Variants in PARD6B observed in about 807,000 individuals in gnomAD.
PARD6B encodes the protein par-6 family cell polarity regulator beta.
Under a neutral mutation model 10.5 loss-of-function variants are expected in PARD6B, and 4 were observed. That is an observed-to-expected ratio of 0.38 (90% CI 0.19 to 0.87). The LOEUF is 0.87. PARD6B is among the 40% of genes least tolerant of loss of function. The pLI is 0.41. For missense variants in PARD6B, 396 were observed against 470.6 expected (o/e 0.84, Z 1.47); for synonymous variants, 169 against 170.4 (o/e 0.99, Z 0.07).
rs2087473897 is a variant in PARD6B at position 50,732,003 on chromosome 20, G to A, written c.66+151G>A. 7.5e-6 allele frequency: 4 copies of A among 531,512 alleles called. No individual in the cohort carries two copies. In the East Asian group the frequency reaches 1.5e-4, roughly 20 times the overall value. The allele number at this position is 531,512 out of a possible 1,614,324, so 32.9% of individuals were successfully genotyped here. On this transcript the variant is annotated intron_variant, in intron 1 of 2. Coordinates refer to ENST00000371610, the MANE Select transcript of PARD6B (RefSeq NM_032521.3). The stretch of plus-strand genomic sequence containing the variant: ...TCGGGAGACTGTGGGTAATAAACTT[G>A]CCGAGGAGGGGGTGGCGGGGGTCAG...
chr20:50,751,035 T>G lies in PARD6B; in HGVS notation c.*547T>G. 1.7e-6 allele frequency: 1 copy of G among 589,920 alleles called. No homozygotes were observed. Among genetic ancestry groups the G allele is most frequent in the Non-Finnish European group, 2.1e-6 (1 of 477,430 alleles). 36.5% of individuals were successfully genotyped at this position (589,920 alleles called of 1,614,324 possible). A position where few individuals can be genotyped will look rare whatever the true frequency, so the allele number is the denominator to read the frequency against. ...CCCACACTGGAATGCAGTGGCATGA[T>G]CACAGCTCTCTGCAGCCTCAATCCC... On this transcript the variant is annotated 3_prime_UTR_variant, in exon 3 of 3. Transcript: ENST00000371610.
Position 50,751,042 on chromosome 20 carries a change from T to G in PARD6B, c.*554T>G, listed in dbSNP as rs1441385868. On this transcript the variant is annotated 3_prime_UTR_variant, in exon 3 of 3. Transcript: ENST00000371610. ...TGGAATGCAGTGGCATGATCACAGC[T>G]CTCTGCAGCCTCAATCCCCTGGGCT... The G allele has an allele frequency of 1.7e-6, 1 of 577,856 alleles. No individual in the cohort carries two copies. The highest frequency in any genetic ancestry group is 1.6e-4 in the East Asian group (1 of 6,224). The allele number at this position is 577,856 out of a possible 1,614,324, so 35.8% of individuals were successfully genotyped here.
chr20:50,753,068 CCT>C lies in PARD6B; in HGVS notation c.*2587_*2588del, dbSNP rs11469346. On this transcript the variant is annotated 3_prime_UTR_variant, in exon 3 of 3. Coordinates refer to ENST00000371610, the MANE Select transcript of PARD6B (RefSeq NM_032521.3). ...TAAGTAAAAATATTTTTACACACTACCTCTCTCTTTTTTTTTTTAAAGTTTTA... is the reference window on the plus strand; with the variant it reads ...TAAGTAAAAATATTTTTACACACTACCTCTCTTTTTTTTTTTAAAGTTTTA... The C allele has an allele frequency of 0.24, 227,205 of 933,888 alleles. 14,384 individuals are homozygous for C. The highest frequency in any genetic ancestry group is 0.34 in the African/African-American group (18,886 of 54,992). 57.9% of individuals were successfully genotyped at this position (933,888 alleles called of 1,614,324 possible).
In PARD6B at chr20:50,731,709, C is replaced by G; in HGVS notation, c.-78C>G. ...CGGGCCGCAACCGCTTTCCGAGATC[C>G]CCAGTCGCGCACTCGCTCCCCGCGC... On this transcript the variant is annotated 5_prime_UTR_variant, in exon 1 of 3. Coordinates refer to ENST00000371610, the MANE Select transcript of PARD6B (RefSeq NM_032521.3). The G allele has an allele frequency of 3.1e-6, 4 of 1,295,362 alleles. No homozygotes were observed. Among genetic ancestry groups the G allele is most frequent in the Non-Finnish European group, 4.0e-6 (4 of 1,002,222 alleles). 80.2% of individuals were successfully genotyped at this position (1,295,362 alleles called of 1,614,324 possible). A position where few individuals can be genotyped will look rare whatever the true frequency, so the allele number is the denominator to read the frequency against.
Position 50,737,936 on chromosome 20 carries a change from A to G in PARD6B, c.146A>G (p.His49Arg). The G allele has an allele frequency of 1.9e-6, 3 of 1,613,540 alleles. No homozygotes were observed. Among genetic ancestry groups the G allele is most frequent in the Non-Finnish European group, 2.5e-6 (3 of 1,179,890 alleles). The change falls in exon 2 of 3, where the codon CAT becomes CGT. Residue 49 changes from histidine (H) to arginine (R), a missense_variant. Transcript: ENST00000371610. ...KFEEFYGLLQ[H>R]VHKIPNVDVL... is the part of the protein sequence containing the mutation. ...GAGGAGTTTTATGGATTACTACAACATGTTCATAAGATCCCCAATGTTGAC... is the reference window on the plus strand; with the variant it reads ...GAGGAGTTTTATGGATTACTACAACGTGTTCATAAGATCCCCAATGTTGAC...
chr20:50,748,024 C>G (rs529707891), intron 2 of PARD6B, among the ~76,000 whole-genome samples: 6 of 152,340 alleles, frequency 3.9e-5, no homozygotes, highest in African/African-American at 1.4e-4. Context: ...ACCTTTGCCT[C>G]TTTCAAAATG....
At position 50,753,525 on chromosome 20, in the gene PARD6B, A is replaced by G. The variant is rs896041047; in HGVS notation, c.*3037A>G. 9.7e-6 allele frequency: 9 copies of G among 928,404 alleles called. No individual in the cohort carries two copies. In the African/African-American group the frequency reaches 1.6e-4, roughly 17 times the overall value. 57.5% of individuals were successfully genotyped at this position (928,404 alleles called of 1,614,324 possible). A position where few individuals can be genotyped will look rare whatever the true frequency, so the allele number is the denominator to read the frequency against. On this transcript the variant is annotated 3_prime_UTR_variant, in exon 3 of 3. Transcript: ENST00000371610. ...CTCGAGCTATCAACAAAATATATGT[A>G]CTTTTGTGAGCTATGAATTTTCTAA... is the stretch of plus-strand genomic sequence containing the variant.
Position 50,751,900 on chromosome 20 carries a change from C to A in PARD6B, c.*1412C>A. On this transcript the variant is annotated 3_prime_UTR_variant, in exon 3 of 3. Coordinates refer to ENST00000371610, the MANE Select transcript of PARD6B (RefSeq NM_032521.3). Reference sequence around the variant, plus strand: ...TGTATTTTTAGTAGAGATGGAGTTTCACCATGTTGGTCAGGTGGGTCTCAA... The same window carrying A: ...TGTATTTTTAGTAGAGATGGAGTTTAACCATGTTGGTCAGGTGGGTCTCAA... 1.1e-6 allele frequency: 1 copy of A among 875,732 alleles called. No homozygotes were observed. Among genetic ancestry groups the A allele is most frequent in the Middle Eastern group, 5.9e-4 (1 of 1,694 alleles). The allele number at this position is 875,732 out of a possible 1,614,324, so 54.2% of individuals were successfully genotyped here.
intron 2 of PARD6B, among the ~76,000 whole-genome samples, chr20:50,742,897 T>C (rs995364285): frequency 6.6e-6 from 1 of 152,178 alleles, no homozygotes; most frequent in Non-Finnish European, 1.5e-5. Flanking sequence ...AGAGCAGTTA[T>C]CATGGGAGCA....
chr20:50,752,451 G>T lies in PARD6B; in HGVS notation c.*1963G>T. On this transcript the variant is annotated 3_prime_UTR_variant, in exon 3 of 3. Coordinates refer to ENST00000371610, the MANE Select transcript of PARD6B (RefSeq NM_032521.3). ...AGTTTATCACTATTAATTTTATGAG[G>T]CTATTTATTACTTTCCAATGCATCC... 1 of 985,550 alleles carries T rather than the reference G, an allele frequency of 1.0e-6. No homozygotes were observed. The highest frequency in any genetic ancestry group is 1.2e-6 in the Non-Finnish European group (1 of 829,758). The allele number at this position is 985,550 out of a possible 1,614,324, so 61.1% of individuals were successfully genotyped here.
At chr20:50,743,858 C>T (rs1189769906) in intron 2 of PARD6B, among the ~76,000 whole-genome samples, 1 of 146,306 alleles carries the variant, frequency 6.8e-6, no homozygotes, top group Non-Finnish European at 1.5e-5. Context: ...CACTGCACTC[C>T]AGCCTGGGCG....
At chr20:50,733,689 C>T (rs1270884146) in intron 1 of PARD6B, among the ~76,000 whole-genome samples, 3 of 152,128 alleles carry the variant, frequency 2.0e-5, no homozygotes, top group African/African-American at 7.2e-5. Flanking sequence ...CTTCTTATGG[C>T]ATTTTTGTTA....
At position 50,731,710 on chromosome 20, in the gene PARD6B, C is replaced by T; in HGVS notation, c.-77C>T. On this transcript the variant is annotated 5_prime_UTR_variant, in exon 1 of 3. Transcript: ENST00000371610. ...GGGCCGCAACCGCTTTCCGAGATCCCCAGTCGCGCACTCGCTCCCCGCGCT... is the reference window on the plus strand; with the variant it reads ...GGGCCGCAACCGCTTTCCGAGATCCTCAGTCGCGCACTCGCTCCCCGCGCT... The T allele has an allele frequency of 7.7e-7, 1 of 1,298,260 alleles. No homozygotes were observed. The allele number at this position is 1,298,260 out of a possible 1,614,324, so 80.4% of individuals were successfully genotyped here.
chr20:50,733,279 C>A (rs1490112977), intron 1 of PARD6B, among the ~76,000 whole-genome samples: 2 of 152,104 alleles, frequency 1.3e-5, no homozygotes, highest in Non-Finnish European at 2.9e-5. Flanking sequence ...AAATTTTTAG[C>A]CGGCCGTGGT....
intron 2 of PARD6B, among the ~76,000 whole-genome samples, chr20:50,743,796 G>A (rs936739685): frequency 6.6e-6 from 1 of 151,658 alleles, no homozygotes; most frequent in Non-Finnish European, 1.5e-5. Flanking sequence ...GGCTGAGGCA[G>A]GAGAATGGCA....
In PARD6B at chr20:50,753,311, ATATATTG is replaced by A; in HGVS notation, c.*2826_*2832del. 1 of 984,442 alleles carries A rather than the reference ATATATTG, an allele frequency of 1.0e-6. No homozygotes were observed. The highest frequency in any genetic ancestry group is 1.2e-6 in the Non-Finnish European group (1 of 828,684). The allele number at this position is 984,442 out of a possible 1,614,324, so 61.0% of individuals were successfully genotyped here. A position where few individuals can be genotyped will look rare whatever the true frequency, so the allele number is the denominator to read the frequency against. On this transcript the variant is annotated 3_prime_UTR_variant, in exon 3 of 3. Coordinates refer to ENST00000371610, the MANE Select transcript of PARD6B (RefSeq NM_032521.3). ...TATTGGTGAAATAATTGATTACTAG[ATATATTG>A]TAAAACCAATAGATCCTGGTTATAC...
Position 50,750,276 on chromosome 20 carries a change from G to T in PARD6B, c.907G>T (p.Val303Leu). Residue 303 changes from valine (V) to leucine (L), a missense_variant, in exon 3 of 3, where the codon GTG becomes TTG. By Grantham distance (32) the Val-to-Leu change is conservative. Transcript: ENST00000371610. ...EDDIIIEDNG[V>L]PQQIPKAVPN... ...TGACATTATCATTGAAGACAATGGA[G>T]TGCCACAGCAGATTCCAAAAGCTGT... The T allele has an allele frequency of 6.2e-7, 1 of 1,614,218 alleles. No homozygotes were observed.
rs2087613750 is a variant in PARD6B at position 50,751,905 on chromosome 20, T to A, written c.*1417T>A. On this transcript the variant is annotated 3_prime_UTR_variant, in exon 3 of 3. Transcript: ENST00000371610. Reference sequence around the variant, plus strand: ...TTTTAGTAGAGATGGAGTTTCACCATGTTGGTCAGGTGGGTCTCAAACTCC... The same window carrying A: ...TTTTAGTAGAGATGGAGTTTCACCAAGTTGGTCAGGTGGGTCTCAAACTCC... 5 of 885,138 alleles carry A rather than the reference T, an allele frequency of 5.6e-6. 1 individual carries two copies. In the Admixed American group the frequency reaches 1.9e-4, roughly 33 times the overall value. 54.8% of individuals were successfully genotyped at this position (885,138 alleles called of 1,614,324 possible).
At position 50,731,671 on chromosome 20, in the gene PARD6B, G is replaced by T. The variant is rs1269477547; in HGVS notation, c.-116G>T. On this transcript the variant is annotated 5_prime_UTR_variant, in exon 1 of 3. Coordinates refer to ENST00000371610, the MANE Select transcript of PARD6B (RefSeq NM_032521.3). ...GCGGCCGCCCCCTCTGCAGGTGCCT[G>T]TGAGGAGGCGCCCGGGCCGCAACCG... 5.6e-6 allele frequency: 5 copies of T among 892,658 alleles called. No individual in the cohort carries two copies. Among genetic ancestry groups the T allele is most frequent in the Non-Finnish European group, 7.7e-6 (5 of 647,554 alleles). The allele number at this position is 892,658 out of a possible 1,614,324, so 55.3% of individuals were successfully genotyped here.
Sources: gnomAD v4.1 joint callset for allele counts (sites outside exome capture counted in the v4.1 genomes callset) on GRCh38, gnomAD v4.1.1 for gene constraint, MANE v1.5 for transcripts, NCBI Gene and HGNC (gene_info 2026-07-23, HGNC 2026-07-21) for gene names.